Variants in COL4A4 observed in about 807,000 individuals in gnomAD.
COL4A4 encodes the protein collagen alpha-4(IV) chain.
In COL4A4, 105 loss-of-function variants were observed where a neutral mutation model predicts 192.9. The ratio of observed to expected loss-of-function variants is 0.54; its 90% CI spans 0.46 to 0.64. The LOEUF (loss-of-function observed/expected upper bound fraction) is 0.64. Among genes scored for constraint, COL4A4 ranks in the 30% least tolerant of loss-of-function variants. The probability of loss-of-function intolerance (pLI) is 0.00; values close to 1 mark genes in which losing one functional copy is unlikely to be tolerated. For missense variants in COL4A4, 1,967 were observed against 2,169.3 expected (o/e 0.91, Z 1.85); for synonymous variants, 762 against 769.9 (o/e 0.99, Z 0.17).
chr2:227,050,632 A>G (rs1249914667), intron 33 of COL4A4, among the ~76,000 whole-genome samples: 1 of 152,186 alleles, frequency 6.6e-6, no homozygotes, highest in African/African-American at 2.4e-5. Flanking sequence ...GTGATATCTG[A>G]AACTGGAAGA....
intron 20 of COL4A4, among the ~76,000 whole-genome samples, chr2:227,090,551 C>T (rs1416538465): frequency 2.6e-5 from 4 of 151,926 alleles, no homozygotes; most frequent in Non-Finnish European, 5.9e-5. Context: ...GAGTTTGAGA[C>T]CAGCCTGGCC....
Position 227,007,260 on chromosome 2 carries a change from A to G in COL4A4, c.*65T>C. 1 of 1,599,242 alleles carries G rather than the reference A, an allele frequency of 6.3e-7. No individual in the cohort carries two copies. The highest frequency in any genetic ancestry group is 8.6e-7 in the Non-Finnish European group (1 of 1,167,010). ...TGAGCACCATGACATCTCTTAGCAC[A>G]GTCTAGGAAGTCTTAGCCCCCTAGG... On this transcript the variant is annotated 3_prime_UTR_variant, in exon 48 of 48. Transcript: ENST00000396625.
At chr2:226,998,313 C>CT (rs752227125), downstream of COL4A4, 3 of 152,182 alleles carry the variant, frequency 2.0e-5, no homozygotes, top group Non-Finnish European at 2.9e-5. Flanking sequence ...TAGATCCTGT[C>CT]TATCTATTTG....
chr2:227,011,161 GC>G (rs1963609276), intron 45 of COL4A4, among the ~76,000 whole-genome samples: 1 of 152,200 alleles, frequency 6.6e-6, no homozygotes, highest in Non-Finnish European at 1.5e-5. Context: ...CCTCTAAGGG[GC>G]TGAACTATTG....
chr2:226,968,705 A>C, the COL4A4 span, among the ~76,000 whole-genome samples: 2 of 152,180 alleles, frequency 1.3e-5, no homozygotes, highest in African/African-American at 4.8e-5. Flanking sequence ...GGGAATTTTT[A>C]AGTGGGGCAG....
rs546981275 is a variant in COL4A4 at position 227,125,646 on chromosome 2, T to G, written c.193-4498A>C. ...CCACCCTGACCTCCCTGCACCAGAT[T>G]TCTAGACAAGCTCTGTTCTTTCACA... On this transcript the variant is annotated intron_variant, in intron 4 of 47. Coordinates refer to ENST00000396625, the MANE Select transcript of COL4A4 (RefSeq NM_000092.5). 1.1e-4 allele frequency among the ~76,000 whole-genome samples: 17 copies of G among 152,260 alleles called. No individual in the cohort carries two copies. The South Asian group carries it at 3.5e-3, about 32-fold the overall frequency.
chr2:227,098,736 C>CA lies in COL4A4; in HGVS notation c.1161dup (p.Gly388TrpfsTer42), dbSNP rs1576486164. The stretch of plus-strand genomic sequence containing the variant: ...GGTCTGCCCAAGAGACCTGGGGGAC[C>CA]AGGTGGTCCAACATCCCCTGTTTCT... On this transcript the variant is annotated frameshift_variant, in exon 19 of 48. Coordinates refer to ENST00000396625, the MANE Select transcript of COL4A4 (RefSeq NM_000092.5). LOFTEE classifies it high-confidence loss of function. The CA allele has an allele frequency of 1.9e-6, 3 of 1,614,130 alleles. No individual in the cohort carries two copies. Among genetic ancestry groups the CA allele is most frequent in the Non-Finnish European group, 2.5e-6 (3 of 1,180,002 alleles).
intron 4 of COL4A4, among the ~76,000 whole-genome samples, chr2:227,136,763 T>C (rs2062840004): frequency 6.6e-6 from 1 of 152,182 alleles, no homozygotes; most frequent in Admixed American, 6.5e-5. Context: ...TACTACCTAC[T>C]GCTACTACGG....
At chr2:227,101,261 C>T (rs551825227) in intron 17 of COL4A4, among the ~76,000 whole-genome samples, 1 of 152,266 alleles carries the variant, frequency 6.6e-6, no homozygotes, top group South Asian at 2.1e-4. Flanking sequence ...TGTGAGGCCT[C>T]CCCAGCCACG....
At position 227,160,406 on chromosome 2, in the gene COL4A4, A is replaced by G. The variant is rs531659646; in HGVS notation, c.-102+3601T>C. ...ACTTAGCCAGTGAAATGTGAGTAGA[A>G]GTAGCCTGTGTCACATCTAGGAGGA... On this transcript the variant is annotated intron_variant, in intron 1 of 47. Coordinates refer to ENST00000396625, the MANE Select transcript of COL4A4 (RefSeq NM_000092.5). Among the ~76,000 whole-genome samples the G allele has an allele frequency of 2.0e-5, 3 of 152,292 alleles. No individual in the cohort carries two copies. In the South Asian group the frequency reaches 6.2e-4, roughly 32 times the overall value.
chr2:227,132,945 G>A (rs934012214), intron 4 of COL4A4, among the ~76,000 whole-genome samples: 6 of 152,070 alleles, frequency 3.9e-5, no homozygotes, highest in South Asian at 2.1e-4. Flanking sequence ...TTAGTCAGAC[G>A]TTACATTTGT....
In COL4A4 at chr2:227,094,128, T is replaced by G. The variant is rs1363033921; in HGVS notation, c.1366A>C (p.Ser456Arg). Residue 456 changes from serine (S) to arginine (R), a missense_variant, in exon 20 of 48, where the codon AGT becomes CGT. Ser to Arg is a moderately radical substitution (Grantham distance 110). Transcript: ENST00000396625. Reference protein sequence around the residue: ...APGLQGLPGSSVIYCSVGNPG... With the variant: ...APGLQGLPGSRVIYCSVGNPG... Reference sequence around the variant, plus strand: ...ATATGAATAAGGAGTACTTTACCACTTGATCCTGGGAGGCCCTGCAGGCCT... The same window carrying G: ...ATATGAATAAGGAGTACTTTACCACGTGATCCTGGGAGGCCCTGCAGGCCT... The G allele has an allele frequency of 6.2e-7, 1 of 1,613,636 alleles. No individual in the cohort carries two copies. Among genetic ancestry groups the G allele is most frequent in the African/African-American group, 1.3e-5 (1 of 74,906 alleles).
At chr2:227,058,136 T>G (rs1489400066) in intron 28 of COL4A4, among the ~76,000 whole-genome samples, 1 of 152,272 alleles carries the variant, frequency 6.6e-6, no homozygotes, top group Non-Finnish European at 1.5e-5. Flanking sequence ...TAGTAATCAG[T>G]GCAAATTCAG....
intron 34 of COL4A4, among the ~76,000 whole-genome samples, chr2:227,048,255 T>A (rs1406077083): frequency 6.6e-6 from 1 of 152,206 alleles, no homozygotes; most frequent in African/African-American, 2.4e-5. Flanking sequence ...TTTACACTCC[T>A]TTCTAAAGGA....
At chr2:227,162,195 T>C (rs1411006559) in intron 1 of COL4A4, among the ~76,000 whole-genome samples, 1 of 152,222 alleles carries the variant, frequency 6.6e-6, no homozygotes, top group African/African-American at 2.4e-5. Context: ...ATCACAAGTT[T>C]CTTTCCAGCT....
intron 37 of COL4A4, among the ~76,000 whole-genome samples, chr2:227,038,049 G>T (rs1970043409): frequency 6.6e-6 from 1 of 152,138 alleles, no homozygotes; most frequent in Admixed American, 6.5e-5. Flanking sequence ...TTTCTTTGCT[G>T]TGCAGAAGCT....
chr2:227,120,906 T>G, intron 5 of COL4A4, 108 bp downstream of exon 5: 1 of 1,455,010 alleles, frequency 6.9e-7, no homozygotes, highest in Non-Finnish European at 9.5e-7. Flanking sequence ...ACCACTGCAT[T>G]CTAGCCTGAG....
In COL4A4 at chr2:227,118,774, A is replaced by G. The variant is rs1342955459; in HGVS notation, c.373-13T>C. On this transcript the variant is annotated splice_polypyrimidine_tract_variant and intron_variant, in intron 6 of 47. Coordinates refer to ENST00000396625, the MANE Select transcript of COL4A4 (RefSeq NM_000092.5). ...GCCCTGGGTGCCCCTGCAGAAAACA[A>G]AATTATAAGTGAAGCATTTTTGCGA... 1 of 1,578,530 alleles carries G rather than the reference A, an allele frequency of 6.3e-7. No homozygotes were observed. The highest frequency in any genetic ancestry group is 1.3e-5 in the African/African-American group (1 of 74,456).
At chr2:226,988,320 GA>G in the COL4A4 span, 6 of 1,547,918 alleles carry the variant, frequency 3.9e-6, no homozygotes, top group African/African-American at 1.4e-5. Flanking sequence ...TGCCCCACCT[GA>G]ACATCTGCAG....
Sources: allele counts gnomAD v4.1 joint callset (sites outside exome capture counted in the v4.1 genomes callset), GRCh38; gene constraint gnomAD v4.1.1; transcripts MANE v1.5; gene names NCBI Gene and HGNC (gene_info 2026-07-23, HGNC 2026-07-21).